Variants in MYO5A observed in about 807,000 individuals in gnomAD.
MYO5A encodes the protein myosin VA, also known as unconventional myosin-Va.
A neutral mutation model predicts 249.7 loss-of-function variants in MYO5A; 98 were observed. The observed-to-expected ratio is 0.39, with a 90% CI of 0.33 to 0.46. The LOEUF is 0.46. Among genes scored for constraint, MYO5A ranks in the 20% least tolerant of loss-of-function variants. MYO5A has a pLI of 0.98. For missense variants in MYO5A, 1,696 were observed against 2,308.8 expected, an observed-to-expected ratio of 0.73 and a Z score of 5.44; for synonymous variants, 778 against 810.6, an observed-to-expected ratio of 0.96 and a Z score of 0.68.
chr15:52,397,508 C>T (rs896749422), intron 9 of MYO5A, 42 bp from the exon 10 acceptor site: 13 of 1,603,794 alleles, frequency 8.1e-6, no homozygotes, highest in Non-Finnish European at 1.1e-5. Flanking sequence ...CCAGATAAAT[C>T]AAGTAAGAAT....
chr15:52,441,802 G>A (rs2075791185), intron 1 of MYO5A, among the ~76,000 whole-genome samples: 1 of 152,146 alleles, frequency 6.6e-6, no homozygotes, highest in Non-Finnish European at 1.5e-5. Flanking sequence ...TATCTTTAAA[G>A]ACTGTGAGCT....
intron 1 of MYO5A, among the ~76,000 whole-genome samples, chr15:52,460,851 A>G (rs2076234853): frequency 6.6e-6 from 1 of 152,258 alleles, no homozygotes; most frequent in South Asian, 2.1e-4. Context: ...AATTTTAAAT[A>G]AAATAATATC....
At chr15:52,424,292 A>G (rs2075349135) in intron 4 of MYO5A, among the ~76,000 whole-genome samples, 1 of 152,220 alleles carries the variant, frequency 6.6e-6, no homozygotes, top group Admixed American at 6.5e-5. Context: ...GTCATTTTAT[A>G]TTTAATACAT....
At chr15:52,415,803 G>A (rs1724630) in intron 5 of MYO5A, among the ~76,000 whole-genome samples, 11 of 152,042 alleles carry the variant, frequency 7.2e-5, no homozygotes, top group Non-Finnish European at 1.3e-4. Context: ...TGAGTAACTT[G>A]TACTTCTGGT....
intron 5 of MYO5A, among the ~76,000 whole-genome samples, chr15:52,415,634 T>A (rs2043446032): frequency 6.6e-6 from 1 of 152,118 alleles, no homozygotes; most frequent in Non-Finnish European, 1.5e-5. Context: ...TGGAAAAAAA[T>A]TAAAACTTTA....
intron 2 of MYO5A, among the ~76,000 whole-genome samples, chr15:52,429,487 G>A (rs906085450): frequency 3.9e-5 from 6 of 152,134 alleles, no homozygotes; most frequent in Non-Finnish European, 5.9e-5. Context: ...TCAGGAGTTC[G>A]AGACCAGCCT....
At chr15:52,467,781 C>G (rs1440655444) in intron 1 of MYO5A, among the ~76,000 whole-genome samples, 1 of 152,128 alleles carries the variant, frequency 6.6e-6, no homozygotes, top group African/African-American at 2.4e-5. Context: ...GAGAAAAGCA[C>G]ACTTAGTTGC....
At chr15:52,509,251 C>G (rs2077341315) in intron 1 of MYO5A, among the ~76,000 whole-genome samples, 1 of 152,150 alleles carries the variant, frequency 6.6e-6, no homozygotes, top group Non-Finnish European at 1.5e-5. Context: ...GGATTACAGG[C>G]ATTAGACCTA....
intron 1 of MYO5A, among the ~76,000 whole-genome samples, chr15:52,474,449 G>C (rs1024590257): frequency 6.6e-6 from 1 of 152,138 alleles, no homozygotes; most frequent in Non-Finnish European, 1.5e-5. Flanking sequence ...GTGAGAGAGG[G>C]CATCCCTGTC....
At chr15:52,418,625 A>C (rs1268669706) in intron 4 of MYO5A, among the ~76,000 whole-genome samples, 1 of 152,180 alleles carries the variant, frequency 6.6e-6, no homozygotes, top group Non-Finnish European at 1.5e-5. Context: ...ATATATGATC[A>C]TTAGGAGAAA....
intron 1 of MYO5A, among the ~76,000 whole-genome samples, chr15:52,466,207 C>G (rs926799207): frequency 6.6e-6 from 1 of 152,180 alleles, no homozygotes; most frequent in Admixed American, 6.5e-5. Flanking sequence ...GCACCTCACA[C>G]GCCTGGGAGC....
intron 1 of MYO5A, among the ~76,000 whole-genome samples, chr15:52,511,672 G>C (rs1322540484): frequency 7.9e-5 from 12 of 152,130 alleles, no homozygotes; most frequent in Admixed American, 7.9e-4. Flanking sequence ...TACCCTCTCA[G>C]GTTGGAGCTA....
chr15:52,373,357 C>T (rs892906620), intron 20 of MYO5A, among the ~76,000 whole-genome samples: 31 of 152,124 alleles, frequency 2.0e-4, no homozygotes, highest in Admixed American at 1.9e-3. Flanking sequence ...ACTATTAATG[C>T]CAATTTTCCT....
chr15:52,428,170 T>G (rs1220990091), intron 3 of MYO5A, among the ~76,000 whole-genome samples: 1 of 152,182 alleles, frequency 6.6e-6, no homozygotes, highest in Non-Finnish European at 1.5e-5. Context: ...GGAAAAAAAT[T>G]CCAAAAGATG....
At chr15:52,321,315 G>T in intron 38 of MYO5A, 44 bp downstream of exon 38, 1 of 1,613,012 alleles carries the variant, frequency 6.2e-7, no homozygotes, top group South Asian at 1.1e-5. Context: ...CGATGGGCAT[G>T]AATGATAGGC....
chr15:52,331,948 A>G, intron 34 of MYO5A: 1 of 802,806 alleles, frequency 1.2e-6, no homozygotes, highest in Non-Finnish European at 1.5e-6. Context: ...ACTCTAAAGT[A>G]TATTCTTCCA....
At chr15:52,398,496 T>C (rs75872104) in intron 9 of MYO5A, among the ~76,000 whole-genome samples, 3,223 of 152,224 alleles carry the variant, frequency 0.021, 109 homozygotes, top group African/African-American at 0.074. Context: ...CAGCTGGCAA[T>C]TGATGTCAGA....
At chr15:52,494,029 C>T (rs1294518429) in intron 1 of MYO5A, among the ~76,000 whole-genome samples, 1 of 152,130 alleles carries the variant, frequency 6.6e-6, no homozygotes, top group African/African-American at 2.4e-5. Flanking sequence ...CCCCTCGCTC[C>T]AACACCCCAC....
chr15:52,337,828 G>A lies in MYO5A; in HGVS notation c.4296C>T (p.Ser1432=). Residue 1432 remains serine, a synonymous_variant, in exon 33 of 42, where the codon TCC becomes TCT. Transcript: ENST00000399233. ...DPKKYQSYRI[S]LYKRMIDLME... The stretch of plus-strand genomic sequence containing the variant: ...TACATACAATCATCCGTTTGTAAAG[G>A]GAAATCCGATATGATTGATACTTCT... 1 of 1,542,964 alleles carries A rather than the reference G, an allele frequency of 6.5e-7. No individual in the cohort carries two copies. Among genetic ancestry groups the A allele is most frequent in the South Asian group, 1.2e-5 (1 of 83,136 alleles).
Sources: gnomAD v4.1 joint callset for allele counts (sites outside exome capture counted in the v4.1 genomes callset) on GRCh38, gnomAD v4.1.1 for gene constraint, MANE v1.5 for transcripts, NCBI Gene and HGNC (gene_info 2026-07-23, HGNC 2026-07-21) for gene names.